OR3A2: variants seen among roughly 807,000 people sequenced by gnomAD.
OR3A2 encodes the protein olfactory receptor 3A2.
For synonymous variants in OR3A2, 126 were observed against 159.3 expected, an observed-to-expected ratio of 0.79 and a Z score of 1.57; for missense variants, 318 against 392.8, an observed-to-expected ratio of 0.81 and a Z score of 1.61.
At chr17:3,382,401 C>A (rs894930890) in intron 2 of OR3A2, among the ~76,000 whole-genome samples, 9 of 152,320 alleles carry the variant, frequency 5.9e-5, no homozygotes, top group Non-Finnish European at 8.8e-5. Flanking sequence ...TCTCAGCCCA[C>A]AGGAAACCCA....
At chr17:3,352,105 A>AT (rs1597354565) in intron 2 of OR3A2, among the ~76,000 whole-genome samples, 1 of 151,780 alleles carries the variant, frequency 6.6e-6, no homozygotes, top group Non-Finnish European at 1.5e-5. Context: ...TCAGGATTAG[A>AT]TTTTTTTCCT....
intron 3 of OR3A2, chr17:3,310,433 C>G (rs2049031286): frequency 1.9e-6 from 1 of 535,456 alleles, no homozygotes. Context: ...ACGTCACTAC[C>G]ATTGGAGGCA....
chr17:3,339,772 T>C (rs908654203), intron 2 of OR3A2, among the ~76,000 whole-genome samples: 7 of 152,216 alleles, frequency 4.6e-5, no homozygotes, highest in African/African-American at 9.6e-5. Flanking sequence ...GGAATCAGGA[T>C]GATGCTGGCC....
At chr17:3,325,564 T>G (rs756046460) in intron 3 of OR3A2, among the ~76,000 whole-genome samples, 11 of 152,042 alleles carry the variant, frequency 7.2e-5, no homozygotes, top group Non-Finnish European at 2.9e-5. Flanking sequence ...TATATAGATA[T>G]ATATACACAC....
chr17:3,313,841 G>A (rs1317351308), intron 3 of OR3A2, among the ~76,000 whole-genome samples: 1 of 152,212 alleles, frequency 6.6e-6, no homozygotes. Flanking sequence ...ACAACAGAGT[G>A]CTGAGTAGAT....
At chr17:3,336,906 C>A (rs1268388698) in intron 2 of OR3A2, among the ~76,000 whole-genome samples, 2 of 152,196 alleles carry the variant, frequency 1.3e-5, no homozygotes, top group Admixed American at 1.3e-4. Context: ...CCCAATTTAG[C>A]TCCTCTTCAG....
At chr17:3,340,318 T>C (rs1030721980) in intron 2 of OR3A2, among the ~76,000 whole-genome samples, 1 of 152,174 alleles carries the variant, frequency 6.6e-6, no homozygotes, top group Admixed American at 6.5e-5. Flanking sequence ...AGCTTTTGAA[T>C]GTGTTTGCTC....
rs1160160932 is a variant in OR3A2, at chr17:3,279,253, CTA to C, written c.-6-332_-6-331del. The C allele has an allele frequency of 7.1e-5, 28 of 394,430 alleles. No homozygotes were observed. The Admixed American group carries it at 1.1e-3, about 16-fold the overall frequency. 24.4% of individuals were successfully genotyped at this position (394,430 alleles called of 1,614,324 possible). On this transcript the variant is annotated intron_variant, in intron 1 of 1. Coordinates refer to ENST00000642052, the Ensembl canonical transcript of OR3A2. ...CTCGCCACAGGGGGGAAATGGGTAA[CTA>C]TGTGAGATGATGAATATGTTAATTT...
chr17:3,381,258 C>T (rs566107080), intron 2 of OR3A2, among the ~76,000 whole-genome samples: 2 of 151,420 alleles, frequency 1.3e-5, no homozygotes, highest in South Asian at 2.1e-4. Flanking sequence ...TCTGAATGTG[C>T]GCTCCAAAAG....
At chr17:3,371,727 C>A (rs1432992547) in intron 2 of OR3A2, among the ~76,000 whole-genome samples, 2 of 127,612 alleles carry the variant, frequency 1.6e-5, no homozygotes, top group African/African-American at 3.0e-5. Context: ...CCGGACGGGG[C>A]AGCTGGCCGG....
intron 3 of OR3A2, among the ~76,000 whole-genome samples, chr17:3,295,469 T>C (rs1269410482): frequency 1.3e-5 from 2 of 152,050 alleles, no homozygotes; most frequent in African/African-American, 4.8e-5. Context: ...AAAAAAATCT[T>C]CTAAAATATA....
At chr17:3,366,705 C>T (rs2049567210) in intron 2 of OR3A2, among the ~76,000 whole-genome samples, 3 of 152,162 alleles carry the variant, frequency 2.0e-5, no homozygotes, top group Admixed American at 6.5e-5. Flanking sequence ...GGCAGATATT[C>T]TTGAGTCTGT....
rs771705175 is a variant in OR3A2 at position 3,361,593 on chromosome 17, A to G, written c.-179+22211T>C. Among the ~76,000 whole-genome samples the G allele has an allele frequency of 1.4e-3, 212 of 151,844 alleles. 2 individuals are homozygous for G. The highest frequency in any genetic ancestry group is 0.01 in the Middle Eastern group (3 of 294). On this transcript the variant is annotated intron_variant, in intron 2 of 4. Transcript: ENST00000573491. The stretch of plus-strand genomic sequence containing the variant: ...TTATTATTTTGAGATACGTCCCATC[A>G]ATACCTAATTTATTGAGAGTTTTTA...
At chr17:3,301,423 T>C (rs1206355171) in intron 3 of OR3A2, among the ~76,000 whole-genome samples, 9 of 152,214 alleles carry the variant, frequency 5.9e-5, no homozygotes, top group Admixed American at 5.9e-4. Context: ...GGTTTTGATT[T>C]GCATTTCTCT....
At chr17:3,350,480 C>T (rs1402468741) in intron 2 of OR3A2, among the ~76,000 whole-genome samples, 1 of 151,728 alleles carries the variant, frequency 6.6e-6, no homozygotes, top group Non-Finnish European at 1.5e-5. Context: ...AAGACTAAAC[C>T]AGGAAGAAGT....
chr17:3,328,838 C>T (rs1254954361), intron 3 of OR3A2, among the ~76,000 whole-genome samples: 1 of 146,754 alleles, frequency 6.8e-6, no homozygotes, highest in Non-Finnish European at 1.5e-5. Context: ...GTCTTCGGCT[C>T]TGTTTATATG....
At chr17:3,319,845 T>A (rs2049105195) in intron 3 of OR3A2, among the ~76,000 whole-genome samples, 1 of 152,204 alleles carries the variant, frequency 6.6e-6, no homozygotes, top group Non-Finnish European at 1.5e-5. Flanking sequence ...TACGTGTGCA[T>A]GTGTCTTTAT....
chr17:3,332,703 A>C (rs1052799246), intron 3 of OR3A2, among the ~76,000 whole-genome samples: 2 of 152,176 alleles, frequency 1.3e-5, no homozygotes, highest in African/African-American at 4.8e-5. Flanking sequence ...AGCTGTTCCT[A>C]TTCGGCCATC....
At chr17:3,314,846 C>T (rs1291006793) in intron 3 of OR3A2, among the ~76,000 whole-genome samples, 1 of 152,088 alleles carries the variant, frequency 6.6e-6, no homozygotes, top group Non-Finnish European at 1.5e-5. Flanking sequence ...ACACCTTCTC[C>T]CTCCTCTTTT....
Sources: gnomAD v4.1 joint callset for allele counts (sites outside exome capture counted in the v4.1 genomes callset) on GRCh38, gnomAD v4.1.1 for gene constraint, MANE v1.5 for transcripts, NCBI Gene and HGNC (gene_info 2026-07-23, HGNC 2026-07-21) for gene names.